JMJD1C: variants seen among roughly 807,000 people sequenced by gnomAD.
JMJD1C encodes the protein jumonji domain-containing protein 1C.
A neutral mutation model predicts 245.3 loss-of-function variants in JMJD1C; 31 were observed. The ratio of observed to expected loss-of-function variants is 0.13; its 90% CI spans 0.09 to 0.17. JMJD1C has a LOEUF of 0.17. JMJD1C is among the 10% of genes least tolerant of loss of function. The probability of loss-of-function intolerance (pLI) is 1.00; values close to 1 mark genes in which losing one functional copy is unlikely to be tolerated. For missense variants in JMJD1C, 2,691 were observed against 3,000.2 expected, an observed-to-expected ratio of 0.90 and a Z score of 2.41; for synonymous variants, 1,057 against 1,017.4, an observed-to-expected ratio of 1.04 and a Z score of -0.74.
chr10:63,226,883 C>A (rs1472542439), intron 3 of JMJD1C, among the ~76,000 whole-genome samples: 1 of 151,856 alleles, frequency 6.6e-6, no homozygotes, highest in South Asian at 2.1e-4. Flanking sequence ...CATGGTGAAA[C>A]CAAACCTCAT....
intron 1 of JMJD1C, among the ~76,000 whole-genome samples, chr10:63,475,560 A>T (rs1232099227): frequency 3.3e-5 from 5 of 152,208 alleles, no homozygotes; most frequent in South Asian, 4.1e-4. Context: ...ACCTAAGACC[A>T]AAACAATAGA....
In JMJD1C at chr10:63,456,678, A is replaced by G. The variant is rs796415816; in HGVS notation, c.168+8817T>C. On this transcript the variant is annotated intron_variant, in intron 1 of 25. Coordinates refer to ENST00000399262, the MANE Select transcript of JMJD1C (RefSeq NM_032776.3). ...GAAATCTATTCTAGGAATGCTGACT[A>G]TTCCTACTGCCATGTTAACATTTTC... 1.2e-4 allele frequency among the ~76,000 whole-genome samples: 18 copies of G among 152,282 alleles called. 1 individual carries two copies. Among genetic ancestry groups the G allele is most frequent in the African/African-American group, 4.3e-4 (18 of 41,572 alleles).
intron 2 of JMJD1C, among the ~76,000 whole-genome samples, chr10:63,287,063 TA>T (rs1473591619): frequency 2.0e-5 from 3 of 152,118 alleles, no homozygotes; most frequent in Non-Finnish European, 2.9e-5. Context: ...TTACAAAAAT[TA>T]GCTGGGCATG....
chr10:63,222,300 T>G (rs1002785618), intron 3 of JMJD1C: 1 of 1,294,124 alleles, frequency 7.7e-7, no homozygotes, highest in Non-Finnish European at 1.1e-6. Context: ...AAGTTTATGA[T>G]TACAGGTGGA....
At chr10:63,367,880 T>G (rs1197422955) in intron 2 of JMJD1C, among the ~76,000 whole-genome samples, 5 of 152,222 alleles carry the variant, frequency 3.3e-5, no homozygotes, top group African/African-American at 1.2e-4. Flanking sequence ...CTGAATGTAC[T>G]TTATGTACAG....
At chr10:63,413,818 T>C (rs1949631165) in intron 1 of JMJD1C, among the ~76,000 whole-genome samples, 2 of 152,078 alleles carry the variant, frequency 1.3e-5, no homozygotes, top group Non-Finnish European at 2.9e-5. Flanking sequence ...TTAGAGAATT[T>C]CAAAATTGCT....
chr10:63,173,339 C>G (rs902406405), intron 24 of JMJD1C, among the ~76,000 whole-genome samples: 1 of 152,058 alleles, frequency 6.6e-6, no homozygotes, highest in Non-Finnish European at 1.5e-5. Context: ...AGGAGAAAAT[C>G]TGAGTGATCT....
At chr10:63,302,588 A>C (rs750813753) in intron 2 of JMJD1C, among the ~76,000 whole-genome samples, 10 of 152,262 alleles carry the variant, frequency 6.6e-5, no homozygotes, top group Non-Finnish European at 1.2e-4. Flanking sequence ...CCTTTACAAC[A>C]TCTTGGAACT....
chr10:63,212,496 A>G (rs1365410121), intron 8 of JMJD1C, among the ~76,000 whole-genome samples: 4 of 152,152 alleles, frequency 2.6e-5, no homozygotes, highest in African/African-American at 9.7e-5. Context: ...TTTAGTGTAA[A>G]AATGAATTTG....
upstream of JMJD1C, among the ~76,000 whole-genome samples, chr10:63,466,863 T>G (rs1334479905): frequency 6.6e-6 from 1 of 152,228 alleles, no homozygotes; most frequent in Non-Finnish European, 1.5e-5. Flanking sequence ...ACAATCACTC[T>G]TCTTTGATCA....
At chr10:63,509,975 T>C (rs1293624103) in intron 1 of JMJD1C, among the ~76,000 whole-genome samples, 1 of 151,550 alleles carries the variant, frequency 6.6e-6, no homozygotes, top group Non-Finnish European at 1.5e-5. Flanking sequence ...TTCTGTTTCC[T>C]AATGTGGAAC....
intron 1 of JMJD1C, among the ~76,000 whole-genome samples, chr10:63,384,217 A>G (rs1178247011): frequency 1.3e-5 from 2 of 152,196 alleles, no homozygotes; most frequent in East Asian, 3.8e-4. Flanking sequence ...CACATCTGCA[A>G]TGACTTCCCC....
intron 3 of JMJD1C, among the ~76,000 whole-genome samples, chr10:63,262,859 T>C (rs1350743927): frequency 1.3e-5 from 2 of 152,176 alleles, no homozygotes; most frequent in South Asian, 4.1e-4. Context: ...CTTTCAATCA[T>C]TGTAATTTTC....
intron 1 of JMJD1C, among the ~76,000 whole-genome samples, chr10:63,486,234 G>A (rs1043229452): frequency 6.7e-6 from 1 of 149,998 alleles, no homozygotes; most frequent in African/African-American, 2.5e-5. Context: ...ATTAGAGTAT[G>A]ACTGAAGCTT....
At chr10:63,410,996 T>C (rs1005982696) in intron 1 of JMJD1C, among the ~76,000 whole-genome samples, 10 of 152,230 alleles carry the variant, frequency 6.6e-5, no homozygotes, top group Non-Finnish European at 1.2e-4. Flanking sequence ...TTTTGGACTT[T>C]TGGTCCTCAG....
intron 2 of JMJD1C, among the ~76,000 whole-genome samples, chr10:63,335,902 C>T (rs1033756042): frequency 1.3e-5 from 2 of 151,822 alleles, no homozygotes; most frequent in Non-Finnish European, 2.9e-5. Flanking sequence ...AGACAGATCA[C>T]CTGAGGTCAG....
At chr10:63,361,749 A>T (rs921697670) in intron 2 of JMJD1C, among the ~76,000 whole-genome samples, 1 of 134,934 alleles carries the variant, frequency 7.4e-6, no homozygotes, top group African/African-American at 2.6e-5. Flanking sequence ...AAAAAAAAAG[A>T]AAAAGAATAT....
chr10:63,473,319 CA>C (rs1953553113), intron 1 of JMJD1C, among the ~76,000 whole-genome samples: 1 of 152,086 alleles, frequency 6.6e-6, no homozygotes, highest in African/African-American at 2.4e-5. Context: ...AATCTTGGCT[CA>C]CTGCAACCTC....
chr10:63,177,942 A>T, intron 22 of JMJD1C, 86 bp from the exon 23 acceptor site: 1 of 1,380,330 alleles, frequency 7.2e-7, no homozygotes, highest in East Asian at 2.3e-5. Flanking sequence ...AGAGCAGCAG[A>T]GTGCCTGACT....
Sources: gnomAD v4.1 joint callset for allele counts (sites outside exome capture counted in the v4.1 genomes callset) on GRCh38, gnomAD v4.1.1 for gene constraint, MANE v1.5 for transcripts, NCBI Gene and HGNC (gene_info 2026-07-23, HGNC 2026-07-21) for gene names.